The following NME7 variants were observed in gnomAD, a reference collection of about 807,000 sequenced individuals.
NME7 encodes the protein NME/NM23 family member 7, also known as nucleoside diphosphate kinase 7.
In NME7, 41 loss-of-function variants were observed where a neutral mutation model predicts 49.1. The ratio of observed to expected loss-of-function variants is 0.83; its 90% CI spans 0.65 to 1.08. The LOEUF is 1.08. NME7 is among the 50% of genes least tolerant of loss of function. The probability of loss-of-function intolerance (pLI) is 0.00; values close to 1 mark genes in which losing one functional copy is unlikely to be tolerated. For synonymous variants in NME7, 139 were observed against 150.6 expected (o/e 0.92, Z 0.56); for missense variants, 423 against 463.4 (o/e 0.91, Z 0.80).
intron 1 of NME7, among the ~76,000 whole-genome samples, chr1:169,351,246 A>C (rs1653160836): frequency 6.6e-6 from 1 of 152,144 alleles, no homozygotes; most frequent in South Asian, 2.1e-4. Flanking sequence ...TCAATTTCAT[A>C]ATCACTGATG....
chr1:169,254,003 A>G (rs1648771290), intron 7 of NME7, among the ~76,000 whole-genome samples: 1 of 151,370 alleles, frequency 6.6e-6, no homozygotes, highest in African/African-American at 2.4e-5. Flanking sequence ...ATGTTCATCA[A>G]CGATATTGGT....
intron 10 of NME7, among the ~76,000 whole-genome samples, chr1:169,207,238 C>T (rs1660697828): frequency 6.6e-6 from 1 of 152,072 alleles, no homozygotes; most frequent in Non-Finnish European, 1.5e-5. Flanking sequence ...ACAAACAGTT[C>T]TCAAGGAAAC....
chr1:169,178,386 C>T (rs1454984596), intron 10 of NME7, among the ~76,000 whole-genome samples: 1 of 152,068 alleles, frequency 6.6e-6, no homozygotes, highest in African/African-American at 2.4e-5. Context: ...TTGCTACAGG[C>T]AGACAAGGTA....
chr1:169,169,680 G>A (rs1476029163), intron 10 of NME7, 126 bp from the exon 11 acceptor site: 4 of 746,736 alleles, frequency 5.4e-6, no homozygotes, highest in Non-Finnish European at 8.5e-6. Context: ...GCTTATAAGG[G>A]TTTTTCTGTG....
chr1:169,323,163 A>G lies in NME7; in HGVS notation c.232T>C (p.Tyr78His), dbSNP rs1651920039. The G allele has an allele frequency of 1.2e-6, 2 of 1,609,416 alleles. No homozygotes were observed. The highest frequency in any genetic ancestry group is 1.7e-6 in the Non-Finnish European group (2 of 1,178,030). ...VFSRQLVLID[Y>H]GDQYTARQLG... ...TGGCGAGCTGTATATTGATCCCCATAGTCAATTAATACCAGTTGTCGAGAA... is the reference window on the plus strand; with the variant it reads ...TGGCGAGCTGTATATTGATCCCCATGGTCAATTAATACCAGTTGTCGAGAA... The change falls in exon 3 of 12, where the codon TAT (tyrosine) becomes CAT (histidine). Residue 78 changes from tyrosine (Y) to histidine (H), a missense_variant. Tyr to His is a moderately conservative substitution (Grantham distance 83). Coordinates refer to ENST00000367811, the MANE Select transcript of NME7 (RefSeq NM_013330.5).
At chr1:169,158,360 C>A (rs1659145149) in intron 11 of NME7, among the ~76,000 whole-genome samples, 1 of 152,156 alleles carries the variant, frequency 6.6e-6, no homozygotes, top group African/African-American at 2.4e-5. Context: ...GAACGGCATA[C>A]AATTTAAAAC....
At chr1:169,335,836 A>C (rs921560311) in intron 1 of NME7, among the ~76,000 whole-genome samples, 1 of 150,718 alleles carries the variant, frequency 6.6e-6, no homozygotes, top group Non-Finnish European at 1.5e-5. Flanking sequence ...ACCATCTAAG[A>C]ACCTGCTCCC....
intron 7 of NME7, among the ~76,000 whole-genome samples, chr1:169,256,810 G>T (rs1648959071): frequency 7.6e-6 from 1 of 130,838 alleles, no homozygotes; most frequent in African/African-American, 2.6e-5. Flanking sequence ...CAGGTCTGTT[G>T]GAATACCCTG....
At chr1:169,333,051 G>A (rs1443735018) in intron 1 of NME7, among the ~76,000 whole-genome samples, 1 of 152,074 alleles carries the variant, frequency 6.6e-6, no homozygotes, top group Non-Finnish European at 1.5e-5. Context: ...AGATTTGAAA[G>A]CAACCTAAAT....
At chr1:169,347,842 G>A (rs1653001762) in intron 1 of NME7, among the ~76,000 whole-genome samples, 1 of 152,178 alleles carries the variant, frequency 6.6e-6, no homozygotes, top group African/African-American at 2.4e-5. Context: ...TATGTAGTAT[G>A]TAGCAGCCCT....
chr1:169,364,675 C>T (rs767245807), intron 1 of NME7, among the ~76,000 whole-genome samples: 26 of 152,208 alleles, frequency 1.7e-4, no homozygotes, highest in Admixed American at 5.2e-4. Flanking sequence ...CTCCATATTG[C>T]TTCTAACCTC....
At chr1:169,241,680 TTAGA>T (rs1648093807) in intron 7 of NME7, among the ~76,000 whole-genome samples, 1 of 151,668 alleles carries the variant, frequency 6.6e-6, no homozygotes. Flanking sequence ...CAGGAAAAAG[TTAGA>T]TAAAGAAGAA....
chr1:169,152,468 T>G (rs551845685), intron 11 of NME7, among the ~76,000 whole-genome samples: 1 of 152,334 alleles, frequency 6.6e-6, no homozygotes, highest in South Asian at 2.1e-4. Context: ...GTACTGAAAG[T>G]ACTTAACCCA....
chr1:169,181,201 A>T (rs1051722966), intron 10 of NME7, among the ~76,000 whole-genome samples: 4 of 151,372 alleles, frequency 2.6e-5, no homozygotes, highest in African/African-American at 7.3e-5. Context: ...ATAATTTATC[A>T]TGTCTGTTGC....
intron 3 of NME7, among the ~76,000 whole-genome samples, chr1:169,316,918 A>T (rs952114053): frequency 6.9e-6 from 1 of 144,042 alleles, no homozygotes; most frequent in African/African-American, 2.5e-5. Flanking sequence ...TAACTTCAAT[A>T]GAAAACCATA....
chr1:169,249,102 A>C (rs12745997), intron 7 of NME7, among the ~76,000 whole-genome samples: 57,175 of 151,738 alleles, frequency 0.38, 11,445 homozygotes, highest in East Asian at 0.79. Context: ...GATATTGATT[A>C]TTCCAATCCA....
chr1:169,332,749 T>C (rs1472368049), intron 1 of NME7, among the ~76,000 whole-genome samples: 4 of 152,094 alleles, frequency 2.6e-5, no homozygotes, highest in African/African-American at 9.7e-5. Context: ...ATCAGAGAAA[T>C]GTCATCAAAA....
intron 7 of NME7, among the ~76,000 whole-genome samples, chr1:169,270,624 T>C (rs930874925): frequency 7.5e-6 from 1 of 134,014 alleles, no homozygotes; most frequent in African/African-American, 2.5e-5. Context: ...ATGATATTAG[T>C]GGCAGCAGCA....
At chr1:169,311,584 A>G (rs1054206132) in intron 3 of NME7, among the ~76,000 whole-genome samples, 4 of 152,152 alleles carry the variant, frequency 2.6e-5, no homozygotes, top group African/African-American at 9.7e-5. Context: ...AGTCAGTTAT[A>G]TTACTTTATA....
Sources: allele counts gnomAD v4.1 joint callset (sites outside exome capture counted in the v4.1 genomes callset), GRCh38; gene constraint gnomAD v4.1.1; transcripts MANE v1.5; gene names NCBI Gene and HGNC (gene_info 2026-07-23, HGNC 2026-07-21).